CNTRL: variants seen among roughly 807,000 people sequenced by gnomAD.
The protein encoded by CNTRL is 110 kDa centrosomal protein.
A neutral mutation model predicts 303.7 loss-of-function variants in CNTRL; 233 were observed. That is an observed-to-expected ratio of 0.77 (90% CI 0.69 to 0.86). The LOEUF (loss-of-function observed/expected upper bound fraction) is 0.86. Ranked by LOEUF, CNTRL falls within the 40% of genes least tolerant of loss-of-function variation. The pLI is 0.00. For synonymous variants in CNTRL, 900 were observed against 922.2 expected, an observed-to-expected ratio of 0.98 and a Z score of 0.44; for missense variants, 2,524 against 2,650.6, an observed-to-expected ratio of 0.95 and a Z score of 1.05.
intron 3 of CNTRL, among the ~76,000 whole-genome samples, chr9:121,089,815 T>A (rs2048485189): frequency 6.6e-6 from 1 of 152,176 alleles, no homozygotes; most frequent in South Asian, 2.1e-4. Context: ...AGCTGTAGGA[T>A]CTTGAGCAAA....
Position 121,141,608 on chromosome 9 carries a change from C to T in CNTRL, c.2691+20C>T. 3 of 1,604,748 alleles carry T rather than the reference C, an allele frequency of 1.9e-6. No individual in the cohort carries two copies. The highest frequency in any genetic ancestry group is 1.1e-5 in the South Asian group (1 of 90,738). ...GCAAGAGTAAGACAAGGGCAAGAGG[C>T]ACCTGGAGGGAAGTGTTTGGCAAAT... On this transcript the variant is annotated intron_variant, in intron 18 of 43. Coordinates refer to ENST00000373855, the MANE Select transcript of CNTRL (RefSeq NM_007018.6).
chr9:121,081,299 C>G (rs1413622578), intron 2 of CNTRL, among the ~76,000 whole-genome samples: 1 of 152,144 alleles, frequency 6.6e-6, no homozygotes, highest in Non-Finnish European at 1.5e-5. Flanking sequence ...ACTGCCGTAC[C>G]ACACAGTACA....
Position 121,177,154 on chromosome 9 carries a change from T to C in CNTRL, c.6955-9T>C. The C allele has an allele frequency of 6.2e-7, 1 of 1,609,692 alleles. No individual in the cohort carries two copies. The highest frequency in any genetic ancestry group is 1.1e-5 in the South Asian group (1 of 90,802). On this transcript the variant is annotated splice_polypyrimidine_tract_variant and intron_variant, in intron 43 of 43. Transcript: ENST00000373855. ...AATTTGATTTATCCTTCCTTTTGTC[T>C]TACTGTAGGAAAAGAATGCCTCAGC...
intron 26 of CNTRL, among the ~76,000 whole-genome samples, chr9:121,153,758 A>G (rs1175683720): frequency 6.6e-6 from 1 of 152,218 alleles, no homozygotes; most frequent in Non-Finnish European, 1.5e-5. Context: ...CATTTAACCC[A>G]GACTGGCCCA....
chr9:121,093,185 G>C lies in CNTRL; in HGVS notation c.349-1703G>C, dbSNP rs138426760. ...TTCTTTATTCACTACTTTGTTTCCAGTACCTAGAACAGCTCCTGGCCCATA... is the reference window on the plus strand; with the variant it reads ...TTCTTTATTCACTACTTTGTTTCCACTACCTAGAACAGCTCCTGGCCCATA... On this transcript the variant is annotated intron_variant, in intron 4 of 43. Transcript: ENST00000373855. 5.3e-5 allele frequency among the ~76,000 whole-genome samples: 8 copies of C among 152,122 alleles called. No homozygotes were observed. In the East Asian group the frequency reaches 9.7e-4, roughly 18 times the overall value.
chr9:121,148,932 C>A, intron 24 of CNTRL, 71 bp downstream of exon 24: 1 of 1,395,788 alleles, frequency 7.2e-7, no homozygotes, highest in Non-Finnish European at 9.9e-7. Context: ...TTCTCTGAAA[C>A]CCCTAAGACA....
rs1267130598 is a variant in CNTRL, at chr9:121,164,919, A to G, written c.5424-24A>G. 7 of 1,595,304 alleles carry G rather than the reference A, an allele frequency of 4.4e-6. No homozygotes were observed. The Middle Eastern group carries it at 6.7e-4, about 152-fold the overall frequency. On this transcript the variant is annotated intron_variant, in intron 34 of 43. Transcript: ENST00000373855. ...TCCTGTGTGTGCTTGTATATTTGAC[A>G]GTCTGACTTACTCTCTGTGGTAGGG... is the stretch of plus-strand genomic sequence containing the variant.
chr9:121,118,329 G>T lies in CNTRL; in HGVS notation c.1456-17G>T. 6.6e-7 allele frequency: 1 copy of T among 1,517,960 alleles called. No homozygotes were observed. Among genetic ancestry groups the T allele is most frequent in the Non-Finnish European group, 8.9e-7 (1 of 1,129,618 alleles). The allele number at this position is 1,517,960 out of a possible 1,614,324, so 94.0% of individuals were successfully genotyped here. A position where few individuals can be genotyped will look rare whatever the true frequency, so the allele number is the denominator to read the frequency against. On this transcript the variant is annotated splice_polypyrimidine_tract_variant and intron_variant, in intron 11 of 43. Transcript: ENST00000373855. Reference sequence around the variant, plus strand: ...GTTCTTCTCTGTTAATTATATATTGGGGTTTGGGGAGATTAGATTTCAGAA... The same window carrying T: ...GTTCTTCTCTGTTAATTATATATTGTGGTTTGGGGAGATTAGATTTCAGAA...
At chr9:121,136,665 G>A (rs1166187246) in intron 15 of CNTRL, among the ~76,000 whole-genome samples, 4 of 152,276 alleles carry the variant, frequency 2.6e-5, no homozygotes, top group Admixed American at 2.6e-4. Flanking sequence ...TTTTAGGGTT[G>A]GTTGAAAGAT....
Position 121,177,233 on chromosome 9 carries a change from CCTCA to C in CNTRL, c.*50_*53del, listed in dbSNP as rs1167414974. Reference sequence around the variant, plus strand: ...ATATTCAAGGAAAACACCTCCACTACCTCACTGACTTCATAATTGGAATGTCACA... The same window carrying C: ...ATATTCAAGGAAAACACCTCCACTACCTGACTTCATAATTGGAATGTCACA... On this transcript the variant is annotated 3_prime_UTR_variant, in exon 44 of 44. Transcript: ENST00000373855. 40 of 1,477,546 alleles carry C rather than the reference CCTCA, an allele frequency of 2.7e-5. No homozygotes were observed. Among genetic ancestry groups the C allele is most frequent in the Non-Finnish European group, 3.7e-5 (39 of 1,063,458 alleles). The allele number at this position is 1,477,546 out of a possible 1,614,324, so 91.5% of individuals were successfully genotyped here.
intron 5 of CNTRL, among the ~76,000 whole-genome samples, chr9:121,095,595 C>G (rs1160454188): frequency 6.6e-6 from 1 of 151,932 alleles, no homozygotes; most frequent in Non-Finnish European, 1.5e-5. Context: ...ATGCTTTTCC[C>G]CCAAGTTAGA....
chr9:121,087,646 G>A (rs113179388), intron 2 of CNTRL, among the ~76,000 whole-genome samples: 12,195 of 152,080 alleles, frequency 0.08, 537 homozygotes, highest in Non-Finnish European at 0.11. Flanking sequence ...AGCCGAGATC[G>A]CACCATTGCA....
At chr9:121,095,897 A>C (rs2048871913) in intron 5 of CNTRL, among the ~76,000 whole-genome samples, 1 of 152,232 alleles carries the variant, frequency 6.6e-6, no homozygotes, top group Non-Finnish European at 1.5e-5. Flanking sequence ...TTCATCAATC[A>C]GAATTCATTA....
chr9:121,081,382 A>C (rs1348905914), intron 2 of CNTRL, among the ~76,000 whole-genome samples: 1 of 152,202 alleles, frequency 6.6e-6, no homozygotes, highest in African/African-American at 2.4e-5. Flanking sequence ...CACCAGCTGC[A>C]TGTCCTCTTA....
chr9:121,088,306 A>G lies in CNTRL; in HGVS notation c.-21A>G, dbSNP rs747069924. 4 of 1,480,598 alleles carry G rather than the reference A, an allele frequency of 2.7e-6. No individual in the cohort carries two copies. Among genetic ancestry groups the G allele is most frequent in the Non-Finnish European group, 3.8e-6 (4 of 1,061,186 alleles). 91.7% of individuals were successfully genotyped at this position (1,480,598 alleles called of 1,614,324 possible). On this transcript the variant is annotated 5_prime_UTR_variant, in exon 3 of 44. Coordinates refer to ENST00000373855, the MANE Select transcript of CNTRL (RefSeq NM_007018.6). ...TGAAAACTCTTACAGGTTTTGATGA[A>G]CACCTGGCTTTATTCTTGCAATGAA...
intron 14 of CNTRL, among the ~76,000 whole-genome samples, chr9:121,132,930 A>G (rs532070871): frequency 6.6e-6 from 1 of 152,130 alleles, no homozygotes; most frequent in African/African-American, 2.4e-5. Context: ...CTAGAGGTCC[A>G]CTCCAGACCC....
chr9:121,140,476 T>C (rs918991760), intron 16 of CNTRL, among the ~76,000 whole-genome samples, 165 bp from the exon 17 acceptor site: 3 of 152,232 alleles, frequency 2.0e-5, no homozygotes, highest in Non-Finnish European at 4.4e-5. Context: ...ATTGTTACAC[T>C]GAGTTTGAAG....
chr9:121,174,973 T>C, intron 42 of CNTRL, 45 bp from the exon 43 acceptor site: 1 of 1,558,308 alleles, frequency 6.4e-7, no homozygotes, highest in Non-Finnish European at 8.8e-7. Flanking sequence ...GCAGTTCTGG[T>C]ACATTTCTTC....
At chr9:121,146,376 A>G (rs1432195914) in intron 23 of CNTRL, 120 bp downstream of exon 23, 1 of 995,514 alleles carries the variant, frequency 1.0e-6, no homozygotes, top group Non-Finnish European at 1.4e-6. Flanking sequence ...TAAGCCGTGC[A>G]TTGAGGTTCT....
Sources: allele counts gnomAD v4.1 joint callset (sites outside exome capture counted in the v4.1 genomes callset), GRCh38; gene constraint gnomAD v4.1.1; transcripts MANE v1.5; gene names NCBI Gene and HGNC (gene_info 2026-07-23, HGNC 2026-07-21).